Variants in ASXL3 observed in about 807,000 individuals in gnomAD.
The protein encoded by ASXL3 is ASXL transcriptional regulator 3, also known as putative Polycomb group protein ASXL3.
A neutral mutation model predicts 170.6 loss-of-function variants in ASXL3; 34 were observed. The ratio of observed to expected loss-of-function variants is 0.20; its 90% CI spans 0.15 to 0.27. The LOEUF is 0.27. Ranked by LOEUF, ASXL3 falls within the 10% of genes least tolerant of loss-of-function variation. The probability of loss-of-function intolerance (pLI) is 1.00; values close to 1 mark genes in which losing one functional copy is unlikely to be tolerated. For synonymous variants in ASXL3, 1,002 were observed against 989.1 expected, an observed-to-expected ratio of 1.01 and a Z score of -0.24; for missense variants, 2,592 against 2,695.3, an observed-to-expected ratio of 0.96 and a Z score of 0.85.
intron 1 of ASXL3, among the ~76,000 whole-genome samples, chr18:33,581,183 CAATT>C (rs1486384286): frequency 3.3e-5 from 5 of 152,004 alleles, no homozygotes; most frequent in Admixed American, 2.0e-4. Flanking sequence ...TCTTAACTCT[CAATT>C]AAAAAAAGTT....
intron 8 of ASXL3, among the ~76,000 whole-genome samples, chr18:33,720,659 G>A (rs1312165285): frequency 6.6e-6 from 1 of 152,080 alleles, no homozygotes; most frequent in Non-Finnish European, 1.5e-5. Flanking sequence ...AAGTTTGTTT[G>A]TCATGAAGTA....
At chr18:33,580,719 C>T (rs1474801351) in intron 1 of ASXL3, among the ~76,000 whole-genome samples, 6 of 151,942 alleles carry the variant, frequency 3.9e-5, no homozygotes, top group Non-Finnish European at 8.8e-5. Context: ...ATTTTCCTCT[C>T]GAAAAGTTCG....
intron 8 of ASXL3, among the ~76,000 whole-genome samples, chr18:33,712,411 C>T (rs1328425133): frequency 6.6e-6 from 1 of 152,130 alleles, no homozygotes. Flanking sequence ...TACTTGCTTG[C>T]AGGCCTGAAA....
chr18:33,699,230 A>C (rs2066828359), intron 8 of ASXL3, among the ~76,000 whole-genome samples: 1 of 152,294 alleles, frequency 6.6e-6, no homozygotes, highest in South Asian at 2.1e-4. Flanking sequence ...GAACAGAAAA[A>C]GGCTTGAAAG....
At chr18:33,622,832 G>A (rs752330053) in intron 2 of ASXL3, among the ~76,000 whole-genome samples, 1 of 152,174 alleles carries the variant, frequency 6.6e-6, no homozygotes, top group Non-Finnish European at 1.5e-5. Flanking sequence ...GGAGGCTAGA[G>A]AATAGATCTT....
chr18:33,663,807 C>A (rs1340514773), intron 5 of ASXL3, among the ~76,000 whole-genome samples: 1 of 152,060 alleles, frequency 6.6e-6, no homozygotes, highest in South Asian at 2.1e-4. Context: ...CTTAAGACAG[C>A]ATTGCAAAAA....
chr18:33,646,158 C>G, intron 3 of ASXL3, 87 bp from the exon 4 acceptor site: 2 of 893,932 alleles, frequency 2.2e-6, no homozygotes, highest in Non-Finnish European at 3.5e-6. Context: ...AATAACTGAT[C>G]ATACTGTAGG....
intron 11 of ASXL3, 37 bp downstream of exon 11, chr18:33,740,480 T>G: frequency 6.8e-7 from 1 of 1,479,076 alleles, no homozygotes; most frequent in Non-Finnish European, 9.0e-7. Context: ...ATTCCGTAGA[T>G]AGGCTTTTCC....
In ASXL3 at chr18:33,641,079, A is replaced by G. The variant is rs192405326; in HGVS notation, c.138-3815A>G. On this transcript the variant is annotated intron_variant, in intron 2 of 11. Transcript: ENST00000269197. Reference sequence around the variant, plus strand: ...TATATTTTCTTTGTCATGCCTGCAAATAGTCTTCCAATTGCATTCCCCAGG... The same window carrying G: ...TATATTTTCTTTGTCATGCCTGCAAGTAGTCTTCCAATTGCATTCCCCAGG... Among the ~76,000 whole-genome samples the G allele has an allele frequency of 5.4e-3, 818 of 152,242 alleles. 5 individuals carry two copies. The highest frequency in any genetic ancestry group is 9.2e-3 in the Non-Finnish European group (623 of 68,014).
chr18:33,746,788 T>C lies in ASXL3; in HGVS notation c.*193T>C. On this transcript the variant is annotated 3_prime_UTR_variant, in exon 12 of 12. Coordinates refer to ENST00000269197, the MANE Select transcript of ASXL3 (RefSeq NM_030632.3). ...GATGCATCCCAACTGAATGGCTCACTGGCATGTCTTTTATGTGTTCAGTTG... is the reference window on the plus strand; with the variant it reads ...GATGCATCCCAACTGAATGGCTCACCGGCATGTCTTTTATGTGTTCAGTTG... 1.1e-6 allele frequency: 1 copy of C among 875,578 alleles called. No homozygotes were observed. Among genetic ancestry groups the C allele is most frequent in the Non-Finnish European group, 1.6e-6 (1 of 614,508 alleles). The allele number at this position is 875,578 out of a possible 1,614,324, so 54.2% of individuals were successfully genotyped here. A position where few individuals can be genotyped will look rare whatever the true frequency, so the allele number is the denominator to read the frequency against.
intron 7 of ASXL3, among the ~76,000 whole-genome samples, chr18:33,676,791 G>A (rs2066437680): frequency 6.6e-6 from 1 of 152,086 alleles, no homozygotes; most frequent in African/African-American, 2.4e-5. Context: ...CCTTGTCTTA[G>A]CAAAGGATAA....
At chr18:33,680,758 T>C (rs1431410081) in intron 7 of ASXL3, among the ~76,000 whole-genome samples, 1 of 151,996 alleles carries the variant, frequency 6.6e-6, no homozygotes, top group Non-Finnish European at 1.5e-5. Context: ...CTGATGTTAA[T>C]ATTGCAGTAT....
intron 8 of ASXL3, among the ~76,000 whole-genome samples, chr18:33,716,162 T>C (rs989375890): frequency 6.6e-5 from 10 of 152,158 alleles, no homozygotes; most frequent in African/African-American, 2.4e-4. Context: ...AGTGCAAAAG[T>C]AGATTCTAGG....
chr18:33,732,818 G>T (rs988530564), intron 9 of ASXL3, among the ~76,000 whole-genome samples: 3 of 149,040 alleles, frequency 2.0e-5, no homozygotes, highest in Non-Finnish European at 3.0e-5. Flanking sequence ...TACTGATCAT[G>T]CTACTGCACT....
intron 1 of ASXL3, among the ~76,000 whole-genome samples, chr18:33,582,952 A>C (rs529936552): frequency 1.3e-5 from 2 of 152,316 alleles, no homozygotes; most frequent in East Asian, 3.9e-4. Context: ...TAATAGAGGA[A>C]ATATTATGCA....
At chr18:33,661,239 TG>T (rs1184369679) in intron 4 of ASXL3, among the ~76,000 whole-genome samples, 5 of 152,074 alleles carry the variant, frequency 3.3e-5, no homozygotes, top group South Asian at 4.1e-4. Flanking sequence ...TAATTTATAT[TG>T]TTTTTTTTTG....
At chr18:33,673,031 A>G (rs1197003436) in intron 7 of ASXL3, among the ~76,000 whole-genome samples, 1 of 152,306 alleles carries the variant, frequency 6.6e-6, no homozygotes, top group East Asian at 1.9e-4. Flanking sequence ...GTGTATAACC[A>G]TACTTACCTG....
intron 2 of ASXL3, among the ~76,000 whole-genome samples, chr18:33,617,645 A>G (rs1182539666): frequency 1.1e-4 from 17 of 152,170 alleles, no homozygotes. Context: ...ATAGCCACGA[A>G]ATGGCCATTT....
intron 8 of ASXL3, among the ~76,000 whole-genome samples, chr18:33,723,323 G>T (rs767195016): frequency 6.6e-6 from 1 of 152,100 alleles, no homozygotes; most frequent in Non-Finnish European, 1.5e-5. Flanking sequence ...ATGCCATTAA[G>T]AACATTTGTG....
Sources: gnomAD v4.1 joint callset for allele counts (sites outside exome capture counted in the v4.1 genomes callset) on GRCh38, gnomAD v4.1.1 for gene constraint, MANE v1.5 for transcripts, NCBI Gene and HGNC (gene_info 2026-07-23, HGNC 2026-07-21) for gene names.